Variants in STAT6 observed in about 807,000 individuals in gnomAD.
STAT6 encodes STAT, interleukin4-induced.
In STAT6, 45 loss-of-function variants were observed where a neutral mutation model predicts 106.3. The observed-to-expected ratio is 0.42, with a 90% confidence interval of 0.33 to 0.54. The LOEUF is 0.54. Ranked by LOEUF, STAT6 falls within the 20% of genes least tolerant of loss-of-function variation. STAT6 has a pLI of 0.06. For missense variants in STAT6, 797 were observed against 1,062.2 expected (o/e 0.75, Z 3.47); for synonymous variants, 413 against 413.6 (o/e 1.00, Z 0.02).
Position 57,104,801 on chromosome 12 carries a change from T to C in STAT6, c.1014A>G (p.Gly338=), listed in dbSNP as rs2136603136. Reference sequence around the variant, plus strand: ...AGGGCACAGTGTTGTTGATGATTTCTCCAGTGCTTTCTCTGCCAGGGGAGG... The same window carrying C: ...AGGGCACAGTGTTGTTGATGATTTCCCCAGTGCTTTCTCTGCCAGGGGAGG... ...QGPGAGAEST[G]EIINNTVPLE... The change falls in exon 10 of 22, where the codon GGA becomes GGG. Residue 338 remains glycine, a synonymous_variant. Coordinates refer to ENST00000300134, the MANE Select transcript of STAT6 (RefSeq NM_003153.5). The C allele has an allele frequency of 6.2e-7, 1 of 1,614,128 alleles. No individual in the cohort carries two copies. Among genetic ancestry groups the C allele is most frequent in the East Asian group, 2.2e-5 (1 of 44,880 alleles).
rs201086579 is a variant in STAT6, at chr12:57,100,638, GAGAAAGAAAGAA to G, written c.1513-560_1513-549del. Among the ~76,000 whole-genome samples, 642 of 100,000 alleles carry G rather than the reference GAGAAAGAAAGAA, an allele frequency of 6.4e-3. 9 individuals carry two copies. Among genetic ancestry groups the G allele is most frequent in the Middle Eastern group, 0.023 (5 of 214 alleles). The allele number at this position is 100,000 out of a possible 152,430, so 65.6% of individuals were successfully genotyped here. Reference sequence around the variant, plus strand: ...AGAAAGAAAAAGAGAGAAAGAGAAAGAGAAAGAAAGAAAGAAAGAAAGAAAGAAAGAAAGAAA... The same window carrying G: ...AGAAAGAAAAAGAGAGAAAGAGAAAGAGAAAGAAAGAAAGAAAGAAAGAAA... On this transcript the variant is annotated intron_variant, in intron 13 of 21. Transcript: ENST00000300134.
chr12:57,106,554 G>A lies in STAT6; in HGVS notation c.505C>T (p.Pro169Ser). ...QVSLHSLIET[P>S]ANGTGPSEAL... Reference sequence around the variant, plus strand: ...TCACTTGGCCCAGTCCCATTAGCAGGAGTTTCTATCAAGCTGTGCAGAGAC... The same window carrying A: ...TCACTTGGCCCAGTCCCATTAGCAGAAGTTTCTATCAAGCTGTGCAGAGAC... Residue 169 changes from proline (P) to serine (S), a missense_variant, in exon 6 of 22, where the codon CCT becomes TCT. By Grantham distance (74) the Pro-to-Ser change is moderately conservative (BLOSUM62 -1). Transcript: ENST00000300134. 6.2e-7 allele frequency: 1 copy of A among 1,614,192 alleles called. No individual in the cohort carries two copies. The highest frequency in any genetic ancestry group is 8.5e-7 in the Non-Finnish European group (1 of 1,180,032).
chr12:57,109,463 G>C (rs1398983006), intron 1 of STAT6, among the ~76,000 whole-genome samples: 2 of 152,172 alleles, frequency 1.3e-5, no homozygotes, highest in Non-Finnish European at 2.9e-5. Context: ...TGGAAAGCAG[G>C]CTTTGAATCT....
chr12:57,107,581 T>G (rs1185639838), intron 3 of STAT6, 24 bp downstream of exon 3: 1 of 1,607,288 alleles, frequency 6.2e-7, no homozygotes. Flanking sequence ...CCACCCAGCC[T>G]TGTCCCCTCC....
Position 57,096,616 on chromosome 12 carries a change from T to C in STAT6, c.2500A>G (p.Ile834Val). Residue 834 changes from isoleucine (I) to valine (V), a missense_variant, in exon 22 of 22, where the codon ATC becomes GTC. Physicochemically the swap from Ile to Val is conservative, Grantham distance 29. Coordinates refer to ENST00000300134, the MANE Select transcript of STAT6 (RefSeq NM_003153.5). The stretch of plus-strand genomic sequence containing the variant: ...CTTAGGTCCATGTGGGACATTGAGA[T>C]CCCAGATTGCCCATAGTGGGAGGGC... ...LQPSHYGQSG[I>V]SMSHMDLRAN... 11 of 1,608,010 alleles carry C rather than the reference T, an allele frequency of 6.8e-6. No homozygotes were observed. Among genetic ancestry groups the C allele is most frequent in the Non-Finnish European group, 9.3e-6 (11 of 1,177,966 alleles).
At chr12:57,109,183 C>T (rs533512367) in intron 1 of STAT6, among the ~76,000 whole-genome samples, 1 of 151,952 alleles carries the variant, frequency 6.6e-6, no homozygotes, top group South Asian at 2.1e-4. Flanking sequence ...GCCTGGGCGA[C>T]AGAGAGAGAC....
chr12:57,102,960 CTTTCCTTTTTTTTTTTTTTTTTTTT>C, intron 11 of STAT6, 39 bp from the exon 12 acceptor site: 2 of 315,770 alleles, frequency 6.3e-6, no homozygotes, highest in African/African-American at 4.0e-5. Context: ...TTCTTTCTTT[CTTTCCTTTTTTTTTTTTTTTTTTTT>C]TTTTTTTTTT....
chr12:57,096,625 G>T lies in STAT6; in HGVS notation c.2491C>A (p.Gln831Lys), dbSNP rs780872721. 6.2e-7 allele frequency: 1 copy of T among 1,608,472 alleles called. No individual in the cohort carries two copies. Among genetic ancestry groups the T allele is most frequent in the Non-Finnish European group, 8.5e-7 (1 of 1,178,140 alleles). The change falls in exon 22 of 22, where the codon CAA becomes AAA. Residue 831 changes from glutamine to lysine, a missense_variant. By Grantham distance (53) the Gln-to-Lys change is moderately conservative (BLOSUM62 1). Around this residue, in one of 4 missense-constraint regions of STAT6, gnomAD observed 226 missense variants for 236.7 expected, o/e 0.95. Coordinates refer to ENST00000300134, the MANE Select transcript of STAT6 (RefSeq NM_003153.5). ...ATGTGGGACATTGAGATCCCAGATT[G>T]CCCATAGTGGGAGGGCTGCAGGAGG... ...QPLLQPSHYG[Q>K]SGISMSHMDL...
chr12:57,102,550 C>G, intron 12 of STAT6, 54 bp from the exon 13 acceptor site: 3 of 1,578,214 alleles, frequency 1.9e-6, no homozygotes, highest in Non-Finnish European at 2.6e-6. Context: ...TGTTATTCCT[C>G]GGGCCGGCCT....
intron 13 of STAT6, 76 bp from the exon 14 acceptor site, chr12:57,100,166 T>C: frequency 7.8e-7 from 1 of 1,280,372 alleles, no homozygotes; most frequent in East Asian, 2.5e-5. Context: ...CAGTGAGCTG[T>C]GAGTGCCCTC....
chr12:57,106,014 T>G lies in STAT6; in HGVS notation c.680+177A>C, dbSNP rs949854152. ...CTTGTGCCCCTCCACTAGGCCCACT[T>G]GTACAGGATGCGACCTGAACGACAG... On this transcript the variant is annotated intron_variant, in intron 7 of 21. Coordinates refer to ENST00000300134, the MANE Select transcript of STAT6 (RefSeq NM_003153.5). The G allele has an allele frequency of 1.4e-4, 148 of 1,093,168 alleles. 1 individual carries two copies. In the South Asian group the frequency reaches 2.3e-3, roughly 17 times the overall value. 67.7% of individuals were successfully genotyped at this position (1,093,168 alleles called of 1,614,324 possible).
At chr12:57,098,386 AGAG>A (rs2033589109) in intron 19 of STAT6, 116 bp downstream of exon 19, 4 of 1,023,174 alleles carry the variant, frequency 3.9e-6, no homozygotes, top group Non-Finnish European at 6.2e-6. Context: ...AGTGGACAGA[AGAG>A]AAGAAGACAG....
intron 19 of STAT6, 107 bp from the exon 20 acceptor site, chr12:57,097,240 A>G: frequency 1.1e-6 from 1 of 906,110 alleles, no homozygotes; most frequent in Non-Finnish European, 1.6e-6. Context: ...CCTTATCCTG[A>G]CTTAGTCATG....
chr12:57,108,355 C>T, intron 1 of STAT6, 56 bp from the exon 2 acceptor site: 1 of 932,308 alleles, frequency 1.1e-6, no homozygotes, highest in Non-Finnish European at 1.7e-6. Context: ...TGGCCTATCT[C>T]CTGGGGCAGC....
intron 12 of STAT6, 71 bp from the exon 13 acceptor site, chr12:57,102,567 C>T: frequency 1.3e-6 from 2 of 1,509,850 alleles, no homozygotes; most frequent in African/African-American, 1.4e-5. Context: ...GCCTTCATCC[C>T]TCCCACCTGC....
In STAT6 at chr12:57,099,239, G is replaced by T. The variant is rs2033660918; in HGVS notation, c.1891+55C>A. 6.2e-7 allele frequency: 1 copy of T among 1,611,166 alleles called. No homozygotes were observed. The highest frequency in any genetic ancestry group is 1.1e-5 in the South Asian group (1 of 90,938). On this transcript the variant is annotated intron_variant, in intron 16 of 21. Transcript: ENST00000300134. The surrounding 1 kb of genome is among the most constrained non-coding windows in gnomAD (Gnocchi z 4.7). ...CGGGCAGGGAGAGGAGGGCAGCGGGGAGCAGGGAGGAAGTGGGTGACAGGA... is the reference window on the plus strand; with the variant it reads ...CGGGCAGGGAGAGGAGGGCAGCGGGTAGCAGGGAGGAAGTGGGTGACAGGA...
Position 57,100,120 on chromosome 12 carries a change from G to C in STAT6, c.1513-30C>G, listed in dbSNP as rs3024970. On this transcript the variant is annotated intron_variant, in intron 13 of 21. Coordinates refer to ENST00000300134, the MANE Select transcript of STAT6 (RefSeq NM_003153.5). ...GGGGAGAGGGGGAAAGGTGTGAGCCGAGGGAGGGCCAGAGCTGGAGCCTGT... is the reference window on the plus strand; with the variant it reads ...GGGGAGAGGGGGAAAGGTGTGAGCCCAGGGAGGGCCAGAGCTGGAGCCTGT... The C allele has an allele frequency of 1.3e-4, 207 of 1,558,416 alleles. 2 individuals are homozygous for C. In the African/African-American group the frequency reaches 1.9e-3, roughly 15 times the overall value.
At position 57,104,473 on chromosome 12, in the gene STAT6, G is replaced by T; in HGVS notation, c.1203C>A (p.Ile401=). 1 of 1,608,700 alleles carries T rather than the reference G, an allele frequency of 6.2e-7. No homozygotes were observed. The highest frequency in any genetic ancestry group is 8.5e-7 in the Non-Finnish European group (1 of 1,178,016). ...SFTLGPGKLP[I]QLQALSLPLV... is the part of the protein sequence containing the mutation. ...CTGGGCCACGGTTCACCTGGAGCTGGATGGGGAGTTTGCCGGGGCCAAGTG... is the reference window on the plus strand; with the variant it reads ...CTGGGCCACGGTTCACCTGGAGCTGTATGGGGAGTTTGCCGGGGCCAAGTG... The change falls in exon 11 of 22, where the codon ATC becomes ATA. Residue 401 remains isoleucine, a synonymous_variant. Coordinates refer to ENST00000300134, the MANE Select transcript of STAT6 (RefSeq NM_003153.5).
chr12:57,102,783 G>A (rs2034017868), intron 12 of STAT6, 46 bp downstream of exon 12: 1 of 1,524,254 alleles, frequency 6.6e-7, no homozygotes, highest in African/African-American at 1.4e-5. Flanking sequence ...GCCCATGTTA[G>A]AACCCACCCT....
Sources: gnomAD v4.1 joint callset for allele counts (sites outside exome capture counted in the v4.1 genomes callset) on GRCh38, gnomAD v4.1.1 for gene constraint, gnomAD v4.1.1 regional missense constraint, Gnocchi (gnomAD v3.1) non-coding constraint, MANE v1.5 for transcripts, NCBI Gene and HGNC (gene_info 2026-07-23, HGNC 2026-07-21) for gene names.